NCKAP5: variants seen among roughly 807,000 people sequenced by gnomAD.
NCKAP5 encodes the protein nck-associated protein 5.
A neutral mutation model predicts 167.0 loss-of-function variants in NCKAP5; 92 were observed. The observed-to-expected ratio is 0.55, with a 90% CI of 0.47 to 0.66. The LOEUF (loss-of-function observed/expected upper bound fraction) is 0.66. NCKAP5 is among the 30% of genes least tolerant of loss of function. NCKAP5 has a pLI of 0.00. For missense variants in NCKAP5, 2,378 were observed against 2,315.0 expected, an observed-to-expected ratio of 1.03 and a Z score of -0.56; for synonymous variants, 891 against 877.4, an observed-to-expected ratio of 1.02 and a Z score of -0.27.
intron 19 of NCKAP5, among the ~76,000 whole-genome samples, chr2:132,686,013 A>T (rs1451503148): frequency 2.6e-5 from 4 of 152,032 alleles, no homozygotes; most frequent in Admixed American, 2.6e-4. Context: ...GAGGAAGAAA[A>T]TTTTCTATTC....
At position 132,878,877 on chromosome 2, in the gene NCKAP5, T is replaced by C. The variant is rs1391145283; in HGVS notation, c.619A>G (p.Arg207Gly). ...SALALENENQ[R>G]EQYERCLDEV... is the part of the protein sequence containing the mutation. ...TCAAGACATCGCTCATATTGTTCCCTTTGATTTTCATTCTCCAAAGCCAAC... is the reference window on the plus strand; with the variant it reads ...TCAAGACATCGCTCATATTGTTCCCCTTGATTTTCATTCTCCAAAGCCAAC... The change falls in exon 9 of 20, where the codon AGG becomes GGG. Residue 207 changes from arginine (R) to glycine (G), a missense_variant. Physicochemically the swap from Arg to Gly is moderately radical, Grantham distance 125. Coordinates refer to ENST00000409261, the MANE Select transcript of NCKAP5 (RefSeq NM_207363.3). The C allele has an allele frequency of 6.2e-7, 1 of 1,613,782 alleles. No individual in the cohort carries two copies. Among genetic ancestry groups the C allele is most frequent in the Admixed American group, 1.7e-5 (1 of 60,024 alleles).
chr2:133,025,378 T>A (rs959316646), intron 6 of NCKAP5, among the ~76,000 whole-genome samples: 8 of 152,218 alleles, frequency 5.3e-5, no homozygotes, highest in Non-Finnish European at 1.0e-4. Flanking sequence ...CTACTTTGCA[T>A]GCTTCCAGGA....
intron 3 of NCKAP5, among the ~76,000 whole-genome samples, chr2:133,505,372 C>CATAT (rs143893267): frequency 0.044 from 6,595 of 150,998 alleles, 267 homozygotes; most frequent in East Asian, 0.24. Context: ...TTTTAAACAT[C>CATAT]ATATATATAT....
intron 3 of NCKAP5, among the ~76,000 whole-genome samples, chr2:133,421,833 A>G (rs1689496142): frequency 6.6e-6 from 1 of 152,116 alleles, no homozygotes; most frequent in African/African-American, 2.4e-5. Context: ...TCAATATTTA[A>G]CTACGCTGTC....
At chr2:133,399,877 T>G (rs1391886483) in intron 3 of NCKAP5, among the ~76,000 whole-genome samples, 1 of 152,116 alleles carries the variant, frequency 6.6e-6, no homozygotes, top group African/African-American at 2.4e-5. Flanking sequence ...ACACATAAAA[T>G]CATGCCAATT....
At chr2:133,471,038 C>T (rs112247750) in intron 3 of NCKAP5, among the ~76,000 whole-genome samples, 5,000 of 152,342 alleles carry the variant, frequency 0.033, 117 homozygotes, top group Admixed American at 0.08. Flanking sequence ...GCTCCTCCCC[C>T]CCTGCTTTTG....
intron 4 of NCKAP5, among the ~76,000 whole-genome samples, chr2:133,231,964 A>C (rs756165139): frequency 5.9e-5 from 9 of 152,232 alleles, no homozygotes; most frequent in Non-Finnish European, 1.2e-4. Flanking sequence ...ATCACTTCGC[A>C]TGTAACTAAA....
chr2:133,602,714 T>C, the NCKAP5 span, among the ~76,000 whole-genome samples: 1 of 152,186 alleles, frequency 6.6e-6, no homozygotes, highest in Admixed American at 6.5e-5. Context: ...CCAAATGTTA[T>C]TTACAGAAAC....
At chr2:133,389,217 G>A (rs914182480) in intron 3 of NCKAP5, among the ~76,000 whole-genome samples, 1 of 152,216 alleles carries the variant, frequency 6.6e-6, no homozygotes, top group Non-Finnish European at 1.5e-5. Flanking sequence ...AAAGTTGCTT[G>A]TTGGCTATTT....
chr2:132,769,997 C>T (rs1370512479), intron 16 of NCKAP5, among the ~76,000 whole-genome samples: 1 of 152,190 alleles, frequency 6.6e-6, no homozygotes, highest in South Asian at 2.1e-4. Flanking sequence ...CAATTCTTAG[C>T]CTTAATGCAG....
intron 8 of NCKAP5, among the ~76,000 whole-genome samples, chr2:132,937,352 T>C (rs1696931933): frequency 6.6e-6 from 1 of 152,218 alleles, no homozygotes; most frequent in Non-Finnish European, 1.5e-5. Context: ...AAACCTCTGT[T>C]TACTAACTGT....
rs771387548 is a variant in NCKAP5 at position 132,785,465 on chromosome 2, T to C, written c.1346A>G (p.Tyr449Cys). The change falls in exon 14 of 20, where the codon TAT becomes TGT. Residue 449 changes from tyrosine (Y) to cysteine (C), a missense_variant. By Grantham distance (194) the Tyr-to-Cys change is radical (BLOSUM62 -2). Coordinates refer to ENST00000409261, the MANE Select transcript of NCKAP5 (RefSeq NM_207363.3). ...PGIKSSSLKE[Y>C]PPCKTADLGS... ...CAGGTCAGCTGTTTTGCAGGGGGGA[T>C]ACTCCTTGAGGCTGCTACTTTTAAT... 1 of 1,613,738 alleles carries C rather than the reference T, an allele frequency of 6.2e-7. No homozygotes were observed. Among genetic ancestry groups the C allele is most frequent in the African/African-American group, 1.3e-5 (1 of 75,048 alleles).
intron 4 of NCKAP5, among the ~76,000 whole-genome samples, chr2:133,273,986 A>AT (rs1438554037): frequency 1.5e-4 from 22 of 151,706 alleles, no homozygotes; most frequent in African/African-American, 5.3e-4. Flanking sequence ...AAAAAAAAAA[A>AT]AAAATCTATA....
the NCKAP5 span, among the ~76,000 whole-genome samples, chr2:133,636,253 A>G: frequency 6.6e-6 from 1 of 152,252 alleles, no homozygotes; most frequent in Non-Finnish European, 1.5e-5. Flanking sequence ...TTTAGAGGTC[A>G]GGACACTAGC....
chr2:133,217,814 C>T lies in NCKAP5; in HGVS notation c.144-4035G>A, dbSNP rs556975768. On this transcript the variant is annotated intron_variant, in intron 4 of 19. Transcript: ENST00000409261. ...ATTACCATCTTGCATTTACATAGTA[C>T]ATAACGCAGGTACACTGCACACATA... is the stretch of plus-strand genomic sequence containing the variant. 1.5e-3 allele frequency among the ~76,000 whole-genome samples: 228 copies of T among 152,222 alleles called. 1 individual carries two copies. Among genetic ancestry groups the T allele is most frequent in the Middle Eastern group, 3.4e-3 (1 of 294 alleles).
At chr2:133,264,706 G>T (rs2089095705) in intron 4 of NCKAP5, among the ~76,000 whole-genome samples, 2 of 152,172 alleles carry the variant, frequency 1.3e-5, no homozygotes, top group Admixed American at 1.3e-4. Context: ...ACAGAACAAA[G>T]TTCTTCTAAA....
At chr2:132,745,623 T>C (rs951211800) in intron 16 of NCKAP5, among the ~76,000 whole-genome samples, 2 of 151,806 alleles carry the variant, frequency 1.3e-5, no homozygotes, top group African/African-American at 4.8e-5. Context: ...GGAAAAGAAA[T>C]AAAAGGCATA....
intron 6 of NCKAP5, among the ~76,000 whole-genome samples, chr2:133,092,182 A>C (rs1306126085): frequency 6.6e-6 from 1 of 152,224 alleles, no homozygotes; most frequent in African/African-American, 2.4e-5. Flanking sequence ...ATAGGCAGTT[A>C]AGACAAGGTC....
At chr2:133,464,938 G>C (rs1043763052) in intron 3 of NCKAP5, among the ~76,000 whole-genome samples, 1 of 151,752 alleles carries the variant, frequency 6.6e-6, no homozygotes, top group African/African-American at 2.4e-5. Flanking sequence ...GCCAATTATA[G>C]ACTAATTGAG....
Sources: allele counts gnomAD v4.1 joint callset (sites outside exome capture counted in the v4.1 genomes callset), GRCh38; gene constraint gnomAD v4.1.1; transcripts MANE v1.5; gene names NCBI Gene and HGNC (gene_info 2026-07-23, HGNC 2026-07-21).